Variants in KDM4C observed in about 807,000 individuals in gnomAD.
KDM4C encodes lysine-specific demethylase 4C.
A neutral mutation model predicts 129.3 loss-of-function variants in KDM4C; 81 were observed. That is an observed-to-expected ratio of 0.63 (90% confidence interval 0.52 to 0.75). The LOEUF is 0.75. Ranked by LOEUF, KDM4C falls within the 30% of genes least tolerant of loss-of-function variation. KDM4C has a pLI of 0.00. For synonymous variants in KDM4C, 573 were observed against 456.1 expected, an observed-to-expected ratio of 1.26 and a Z score of -3.26; for missense variants, 1,457 against 1,304.0, an observed-to-expected ratio of 1.12 and a Z score of -1.81.
At chr9:7,105,232 A>G (rs534338719) in intron 18 of KDM4C, among the ~76,000 whole-genome samples, 1 of 152,192 alleles carries the variant, frequency 6.6e-6, no homozygotes, top group Non-Finnish European at 1.5e-5. Flanking sequence ...ATGTATATGA[A>G]TGCGTTTTGA....
At chr9:6,921,330 C>T (rs1042282330) in intron 8 of KDM4C, among the ~76,000 whole-genome samples, 2 of 152,168 alleles carry the variant, frequency 1.3e-5, no homozygotes, top group African/African-American at 4.8e-5. Flanking sequence ...TTCACACGTC[C>T]GCTTGGATGT....
At chr9:6,854,541 A>AT (rs1431170229) in intron 5 of KDM4C, among the ~76,000 whole-genome samples, 1 of 145,710 alleles carries the variant, frequency 6.9e-6, no homozygotes, top group Non-Finnish European at 1.5e-5. Flanking sequence ...AAAAAAAAAA[A>AT]AAAACAAAAA....
At chr9:7,071,292 A>G (rs1432127799) in intron 17 of KDM4C, among the ~76,000 whole-genome samples, 1 of 152,234 alleles carries the variant, frequency 6.6e-6, no homozygotes, top group Admixed American at 6.5e-5. Flanking sequence ...TTACTATAGA[A>G]AATGATAATC....
At chr9:7,103,271 T>C (rs1837305717) in intron 17 of KDM4C, among the ~76,000 whole-genome samples, 1 of 152,216 alleles carries the variant, frequency 6.6e-6, no homozygotes, top group Non-Finnish European at 1.5e-5. Context: ...GAATGACCTG[T>C]CCTCCAAACC....
intron 6 of KDM4C, among the ~76,000 whole-genome samples, chr9:6,886,530 C>T (rs1342598472): frequency 7.3e-6 from 1 of 136,896 alleles, no homozygotes; most frequent in Non-Finnish European, 1.5e-5. Flanking sequence ...CTTACTCTGT[C>T]ATCCAGGCTG....
chr9:6,824,696 C>T (rs1352802837), intron 4 of KDM4C, among the ~76,000 whole-genome samples: 1 of 150,678 alleles, frequency 6.6e-6, no homozygotes, highest in Non-Finnish European at 1.5e-5. Context: ...TAAAACAGTC[C>T]ATTATATATC....
At chr9:7,091,309 T>C (rs1341725376) in intron 17 of KDM4C, among the ~76,000 whole-genome samples, 1 of 116,074 alleles carries the variant, frequency 8.6e-6, no homozygotes, top group Non-Finnish European at 1.8e-5. Flanking sequence ...TGGATAAACA[T>C]AGGCAATAAA....
intron 17 of KDM4C, among the ~76,000 whole-genome samples, chr9:7,080,106 A>G (rs1834363392): frequency 6.6e-6 from 1 of 152,134 alleles, no homozygotes; most frequent in East Asian, 1.9e-4. Flanking sequence ...TCCACTAGGC[A>G]TTCCCTCAAA....
chr9:6,986,427 A>G lies in KDM4C; in HGVS notation c.1438A>G (p.Ile480Val), dbSNP rs374887551. ...TTATGCATATAGAAGTGTACCTTCT[A>G]TATCCAGTGAGGCTGATGATTCCAT... ...KAYAYRSVPS[I>V]SSEADDSIPL... The change falls in exon 11 of 22, where the codon ATA becomes GTA. Residue 480 changes from isoleucine (I) to valine (V), a missense_variant. Transcript: ENST00000381309. 7.5e-5 allele frequency: 121 copies of G among 1,613,898 alleles called. No homozygotes were observed. Among genetic ancestry groups the G allele is most frequent in the Non-Finnish European group, 9.6e-5 (113 of 1,179,876 alleles).
chr9:6,776,319 A>G (rs1332468307), intron 1 of KDM4C, among the ~76,000 whole-genome samples: 12 of 152,100 alleles, frequency 7.9e-5, no homozygotes, highest in African/African-American at 2.4e-4. Context: ...GCTGGAGTGC[A>G]GTGGCACGAT....
intron 8 of KDM4C, among the ~76,000 whole-genome samples, chr9:6,917,230 A>C (rs1407664433): frequency 6.6e-6 from 1 of 152,114 alleles, no homozygotes; most frequent in African/African-American, 2.4e-5. Flanking sequence ...TGAGCACCAT[A>C]TAGGTATCCA....
intron 15 of KDM4C, among the ~76,000 whole-genome samples, chr9:7,041,003 C>T (rs7856928): frequency 0.52 from 78,763 of 150,980 alleles, 21,786 homozygotes; most frequent in Non-Finnish European, 0.62. Context: ...TTTTAGTACT[C>T]CAATTATACA....
intron 8 of KDM4C, among the ~76,000 whole-genome samples, chr9:6,957,299 A>T (rs910571964): frequency 4.6e-5 from 7 of 152,130 alleles, no homozygotes; most frequent in African/African-American, 1.7e-4. Flanking sequence ...ATGTTTCATT[A>T]TAAATATTGT....
intron 17 of KDM4C, among the ~76,000 whole-genome samples, chr9:7,077,905 G>A (rs1834104678): frequency 6.6e-6 from 1 of 152,196 alleles, no homozygotes; most frequent in African/African-American, 2.4e-5. Flanking sequence ...TTTCTCAGGT[G>A]TTTTGGCCAG....
intron 8 of KDM4C, among the ~76,000 whole-genome samples, chr9:6,949,783 A>T (rs538126917): frequency 2.0e-5 from 3 of 152,326 alleles, no homozygotes; most frequent in African/African-American, 4.8e-5. Context: ...GTGAGCGGAG[A>T]TGGCAGCAGT....
At chr9:6,787,210 T>C (rs1193321753) in intron 1 of KDM4C, among the ~76,000 whole-genome samples, 6 of 152,326 alleles carry the variant, frequency 3.9e-5, no homozygotes, top group Non-Finnish European at 1.5e-5. Context: ...TTTCTGTGCC[T>C]CAATTTCTTG....
chr9:7,131,516 C>T (rs1323296234), intron 19 of KDM4C, among the ~76,000 whole-genome samples: 1 of 152,162 alleles, frequency 6.6e-6, no homozygotes, highest in Non-Finnish European at 1.5e-5. Context: ...TGGGGTCTCA[C>T]CATGTTGCCC....
chr9:6,790,203 C>G (rs994237149), intron 1 of KDM4C, among the ~76,000 whole-genome samples: 3 of 151,324 alleles, frequency 2.0e-5, no homozygotes, highest in Admixed American at 1.3e-4. Context: ...CGCGCCTGGC[C>G]AAACTTTCTT....
chr9:6,930,621 T>G (rs1213602250), intron 8 of KDM4C, among the ~76,000 whole-genome samples: 2 of 148,162 alleles, frequency 1.3e-5, no homozygotes. Context: ...TGTTATAATA[T>G]ATAACATATT....
Sources: allele counts gnomAD v4.1 joint callset (sites outside exome capture counted in the v4.1 genomes callset), GRCh38; gene constraint gnomAD v4.1.1; transcripts MANE v1.5; gene names NCBI Gene and HGNC (gene_info 2026-07-23, HGNC 2026-07-21).